Variants in SHISA9 observed in about 807,000 individuals in gnomAD.
The protein encoded by SHISA9 is shisa family member 9, also known as protein shisa-9.
A neutral mutation model predicts 38.0 loss-of-function variants in SHISA9; 13 were observed. The observed-to-expected ratio is 0.34, with a 90% CI of 0.22 to 0.54. The LOEUF (loss-of-function observed/expected upper bound fraction) is 0.54, where lower values mean the gene tolerates loss of function less well. Among genes scored for constraint, SHISA9 ranks in the 20% least tolerant of loss-of-function variants. The probability of loss-of-function intolerance (pLI) is 0.91; values close to 1 mark genes in which losing one functional copy is unlikely to be tolerated. For synonymous variants in SHISA9, 275 were observed against 242.0 expected, an observed-to-expected ratio of 1.14 and a Z score of -1.27; for missense variants, 538 against 575.8, an observed-to-expected ratio of 0.93 and a Z score of 0.67.
At chr16:13,176,796 C>T (rs2050735252) in intron 2 of SHISA9, among the ~76,000 whole-genome samples, 1 of 152,084 alleles carries the variant, frequency 6.6e-6, no homozygotes, top group Non-Finnish European at 1.5e-5. Flanking sequence ...GGCCGAAGCT[C>T]AAGACAGATA....
At chr16:12,945,674 A>G (rs1469480559) in intron 2 of SHISA9, among the ~76,000 whole-genome samples, 1 of 152,240 alleles carries the variant, frequency 6.6e-6, no homozygotes, top group Non-Finnish European at 1.5e-5. Context: ...AGTTTTCCCA[A>G]CTGAAAAATT....
the SHISA9 span, among the ~76,000 whole-genome samples, chr16:13,395,166 T>C: frequency 6.6e-6 from 1 of 152,134 alleles, no homozygotes; most frequent in Non-Finnish European, 1.5e-5. Flanking sequence ...CATAAGAATT[T>C]GGAGGGCTGG....
downstream of SHISA9, among the ~76,000 whole-genome samples, chr16:13,242,508 G>A (rs1419807940): frequency 6.6e-6 from 1 of 152,164 alleles, no homozygotes; most frequent in East Asian, 1.9e-4. Flanking sequence ...GTGGACCTGT[G>A]TGCTTCTAGA....
At chr16:13,070,154 G>GCC (rs2073495560) in intron 2 of SHISA9, among the ~76,000 whole-genome samples, 1 of 149,280 alleles carries the variant, frequency 6.7e-6, no homozygotes, top group Non-Finnish European at 1.5e-5. Flanking sequence ...GTGTGTGTGT[G>GCC]CACGCATGTG....
intron 2 of SHISA9, among the ~76,000 whole-genome samples, chr16:12,938,386 C>T (rs1362427739): frequency 2.0e-5 from 3 of 152,296 alleles, no homozygotes; most frequent in Non-Finnish European, 4.4e-5. Context: ...TCCTTATAAT[C>T]GATCTATCTG....
chr16:13,396,906 G>A, the SHISA9 span, among the ~76,000 whole-genome samples: 1 of 152,176 alleles, frequency 6.6e-6, no homozygotes, highest in South Asian at 2.1e-4. Context: ...TGAACAGCAT[G>A]AGTTTAAACT....
the SHISA9 span, among the ~76,000 whole-genome samples, chr16:13,317,605 CT>C: frequency 6.6e-6 from 1 of 152,132 alleles, no homozygotes. Flanking sequence ...CTGGGTGACC[CT>C]GGGAACCTAA....
At chr16:13,342,901 A>G in the SHISA9 span, among the ~76,000 whole-genome samples, 4 of 152,166 alleles carry the variant, frequency 2.6e-5, no homozygotes, top group African/African-American at 9.7e-5. Context: ...ACAGAGAAAA[A>G]CCCAAGAGAA....
At chr16:13,411,126 G>A in the SHISA9 span, among the ~76,000 whole-genome samples, 11 of 152,294 alleles carry the variant, frequency 7.2e-5, no homozygotes, top group African/African-American at 2.6e-4. Context: ...CTGATTCACT[G>A]GATGATTTTA....
At chr16:12,970,408 T>C (rs12922838) in intron 2 of SHISA9, among the ~76,000 whole-genome samples, 236 of 4,994 alleles carry the variant, frequency 0.047, 9 homozygotes, top group East Asian at 0.19. Flanking sequence ...TATATACATA[T>C]ATATATATAC....
At chr16:13,515,092 G>C in the SHISA9 span, among the ~76,000 whole-genome samples, 12 of 152,260 alleles carry the variant, frequency 7.9e-5, no homozygotes, top group South Asian at 1.0e-3. Flanking sequence ...TCTATACTCA[G>C]TGAGAATATC....
the SHISA9 span, among the ~76,000 whole-genome samples, chr16:13,552,631 A>C: frequency 6.6e-6 from 1 of 152,326 alleles, no homozygotes; most frequent in African/African-American, 2.4e-5. Flanking sequence ...GTCACAACGG[A>C]TGACGCTGCT....
chr16:13,496,744 T>A, the SHISA9 span, among the ~76,000 whole-genome samples: 1 of 151,080 alleles, frequency 6.6e-6, no homozygotes, highest in Middle Eastern at 3.4e-3. Context: ...AATTAGAAAA[T>A]ACAAAAAAAA....
At chr16:12,926,599 C>T (rs2071395931) in intron 2 of SHISA9, among the ~76,000 whole-genome samples, 1 of 152,134 alleles carries the variant, frequency 6.6e-6, no homozygotes, top group South Asian at 2.1e-4. Flanking sequence ...TGCAAAGTAG[C>T]ATGGTGGGAG....
In SHISA9 at chr16:13,105,673, T is replaced by C. The variant is rs185391476; in HGVS notation, c.692-97721T>C. Among the ~76,000 whole-genome samples the C allele has an allele frequency of 3.1e-3, 468 of 152,178 alleles. 1 individual carries two copies. The highest frequency in any genetic ancestry group is 0.011 in the African/African-American group (450 of 41,524). ...GGAGCTGAACTTTCTAAGCAGCCAG[T>C]TTCATTTTGGGCATGGCAGTTGCTT... is the stretch of plus-strand genomic sequence containing the variant. On this transcript the variant is annotated intron_variant, in intron 2 of 4. Transcript: ENST00000558583.
At chr16:13,250,421 G>A in the SHISA9 span, among the ~76,000 whole-genome samples, 1 of 152,090 alleles carries the variant, frequency 6.6e-6, no homozygotes, top group Admixed American at 6.5e-5. Context: ...TGGCACATGG[G>A]TAGACTCCTA....
At chr16:13,046,881 A>T (rs949113616) in intron 2 of SHISA9, among the ~76,000 whole-genome samples, 1 of 152,126 alleles carries the variant, frequency 6.6e-6, no homozygotes, top group African/African-American at 2.4e-5. Context: ...CTTCAGTAGC[A>T]GCACCATTCC....
chr16:13,411,103 C>T, the SHISA9 span, among the ~76,000 whole-genome samples: 1 of 152,164 alleles, frequency 6.6e-6, no homozygotes, highest in Non-Finnish European at 1.5e-5. Context: ...GGGTTTTCAT[C>T]CCATATCCGT....
chr16:13,224,589 G>A (rs745701879), intron 4 of SHISA9, among the ~76,000 whole-genome samples: 9 of 152,216 alleles, frequency 5.9e-5, no homozygotes, highest in South Asian at 2.1e-4. Context: ...TGGGCTGGAC[G>A]TTGAGGATAC....
Sources: allele counts gnomAD v4.1 joint callset (sites outside exome capture counted in the v4.1 genomes callset), GRCh38; gene constraint gnomAD v4.1.1; transcripts MANE v1.5; gene names NCBI Gene and HGNC (gene_info 2026-07-23, HGNC 2026-07-21).